Variants in RSBN1L observed in about 807,000 individuals in gnomAD.
The protein encoded by RSBN1L is round spermatid basic protein 1 like.
In RSBN1L, 30 loss-of-function variants were observed where a neutral mutation model predicts 67.7. The ratio of observed to expected loss-of-function variants is 0.44; its 90% confidence interval spans 0.33 to 0.60. The LOEUF (loss-of-function observed/expected upper bound fraction) is 0.60, where lower values mean the gene tolerates loss of function less well. RSBN1L is among the 20% of genes least tolerant of loss of function. The pLI, the probability that RSBN1L is intolerant of heterozygous loss-of-function variation, is 0.02. For synonymous variants in RSBN1L, 433 were observed against 387.0 expected (o/e 1.12, Z -1.39); for missense variants, 992 against 1,031.7 (o/e 0.96, Z 0.53).
At position 77,781,292 on chromosome 7, in the gene RSBN1L, A is replaced by G. The variant is rs991874921; in HGVS notation, c.*2124A>G. ...TAGTAAGGGTTTTGTTTTATATGTC[A>G]TTGTCTTACCATGCTCCCCACCTAT... On this transcript the variant is annotated 3_prime_UTR_variant, in exon 8 of 8. Coordinates refer to ENST00000334955, the MANE Select transcript of RSBN1L (RefSeq NM_198467.3). 2 of 152,182 alleles carry G rather than the reference A, an allele frequency of 1.3e-5. No homozygotes were observed. The highest frequency in any genetic ancestry group is 6.5e-5 in the Admixed American group (1 of 15,270). The allele number at this position is 152,182 out of a possible 1,614,324, so 9.4% of individuals were successfully genotyped here.
At chr7:77,741,612 A>C (rs1791411239) in intron 2 of RSBN1L, among the ~76,000 whole-genome samples, 1 of 151,546 alleles carries the variant, frequency 6.6e-6, no homozygotes, top group Non-Finnish European at 1.5e-5. Context: ...GAATGGTGTG[A>C]ACCCGGGAGG....
intron 6 of RSBN1L, among the ~76,000 whole-genome samples, chr7:77,777,491 T>C (rs957529417): frequency 6.6e-6 from 1 of 152,010 alleles, no homozygotes; most frequent in Non-Finnish European, 1.5e-5. Context: ...TTGGAGGATA[T>C]TTTTTGGTGG....
chr7:77,732,308 T>C (rs1791281780), intron 1 of RSBN1L, among the ~76,000 whole-genome samples: 1 of 152,194 alleles, frequency 6.6e-6, no homozygotes, highest in African/African-American at 2.4e-5. Context: ...CACTTCTGTA[T>C]GTAAAGATCT....
chr7:77,702,470 G>C (rs770977292), intron 1 of RSBN1L, among the ~76,000 whole-genome samples: 2 of 151,984 alleles, frequency 1.3e-5, no homozygotes, highest in Non-Finnish European at 2.9e-5. Flanking sequence ...CTTTCTTTTA[G>C]TTGGAGGTTT....
rs781721892 is a variant in RSBN1L at position 77,696,465 on chromosome 7, G to A, written c.-5G>A. The A allele has an allele frequency of 1.1e-5, 17 of 1,601,372 alleles. No homozygotes were observed. The highest frequency in any genetic ancestry group is 3.4e-5 in the Admixed American group (2 of 58,794). ...GGAGGAGAGTAAATACAACAGGAGCGCAAAATGGCGGAACCGCCGAGCCCC... is the reference window on the plus strand; with the variant it reads ...GGAGGAGAGTAAATACAACAGGAGCACAAAATGGCGGAACCGCCGAGCCCC... On this transcript the variant is annotated 5_prime_UTR_variant, in exon 1 of 8. Transcript: ENST00000334955.
At chr7:77,757,415 G>A (rs1791634129) in intron 3 of RSBN1L, among the ~76,000 whole-genome samples, 1 of 152,164 alleles carries the variant, frequency 6.6e-6, no homozygotes. Context: ...CTAATGCTGT[G>A]GCCCTGAGGT....
intron 2 of RSBN1L, among the ~76,000 whole-genome samples, chr7:77,749,170 C>G (rs1266414720): frequency 2.6e-5 from 4 of 152,124 alleles, no homozygotes; most frequent in African/African-American, 9.7e-5. Context: ...AGGAGAATTG[C>G]TTGAACCCAG....
At chr7:77,737,298 G>T (rs1326736379) in intron 2 of RSBN1L, among the ~76,000 whole-genome samples, 1 of 152,194 alleles carries the variant, frequency 6.6e-6, no homozygotes, top group Non-Finnish European at 1.5e-5. Context: ...CATGTTGATA[G>T]TTGATGATGA....
intron 2 of RSBN1L, among the ~76,000 whole-genome samples, chr7:77,743,683 CAAAT>C (rs60753392): frequency 0.1 from 15,376 of 152,156 alleles, 1,078 homozygotes; most frequent in African/African-American, 0.19. Flanking sequence ...TACTTTCACT[CAAAT>C]GAAGTTTTAT....
chr7:77,749,601 G>A lies in RSBN1L; in HGVS notation c.881G>A (p.Gly294Asp), dbSNP rs1791526843. 1 of 1,613,868 alleles carries A rather than the reference G, an allele frequency of 6.2e-7. No homozygotes were observed. Among genetic ancestry groups the A allele is most frequent in the Non-Finnish European group, 8.5e-7 (1 of 1,179,948 alleles). Residue 294 changes from glycine to aspartate, a missense_variant, in exon 3 of 8, where the codon GGC becomes GAC. Transcript: ENST00000334955. ...GATGTTGAAGATCAAGCAGCCAAAG[G>A]CATCCTAAATGATAACATAAAAGAT... ...LTDVEDQAAK[G>D]ILNDNIKDYV...
intron 5 of RSBN1L, among the ~76,000 whole-genome samples, chr7:77,771,100 C>G (rs1791843191): frequency 6.6e-6 from 1 of 152,132 alleles, no homozygotes; most frequent in Non-Finnish European, 1.5e-5. Flanking sequence ...CGCCACCACA[C>G]CCGGCTAATT....
At chr7:77,762,542 A>G (rs778979950) in intron 3 of RSBN1L, among the ~76,000 whole-genome samples, 3 of 152,166 alleles carry the variant, frequency 2.0e-5, no homozygotes, top group African/African-American at 4.8e-5. Context: ...TAGGTCAGTA[A>G]TACTTCTTCA....
intron 3 of RSBN1L, among the ~76,000 whole-genome samples, chr7:77,764,589 A>G (rs1791737992): frequency 6.6e-6 from 1 of 152,100 alleles, no homozygotes; most frequent in Admixed American, 6.5e-5. Flanking sequence ...TAGCAAAGGC[A>G]GATTTGGATT....
intron 2 of RSBN1L, among the ~76,000 whole-genome samples, chr7:77,747,192 A>C (rs1213774663): frequency 1.3e-5 from 2 of 152,194 alleles, no homozygotes; most frequent in Non-Finnish European, 2.9e-5. Flanking sequence ...GAAAATTTGC[A>C]GTCTGGCCAT....
rs1790729758 is a variant in RSBN1L, at chr7:77,696,614, G to A, written c.145G>A (p.Glu49Lys). 1 of 1,614,074 alleles carries A rather than the reference G, an allele frequency of 6.2e-7. No homozygotes were observed. The highest frequency in any genetic ancestry group is 8.5e-7 in the Non-Finnish European group (1 of 1,179,978). The change falls in exon 1 of 8, where the codon GAG becomes AAG. Residue 49 changes from glutamate to lysine, a missense_variant. Coordinates refer to ENST00000334955, the MANE Select transcript of RSBN1L (RefSeq NM_198467.3). ...SLSAKKVRTE[E>K]KKAPRRVNGE... is the part of the protein sequence containing the mutation. Reference sequence around the variant, plus strand: ...GTCCGCCAAGAAGGTCCGGACTGAGGAGAAGAAGGCACCGCGGAGAGTGAA... The same window carrying A: ...GTCCGCCAAGAAGGTCCGGACTGAGAAGAAGAAGGCACCGCGGAGAGTGAA...
rs780364792 is a variant in RSBN1L at position 77,768,701 on chromosome 7, A to G, written c.1523A>G (p.Gln508Arg). 3.3e-5 allele frequency: 53 copies of G among 1,613,734 alleles called. No homozygotes were observed. Among genetic ancestry groups the G allele is most frequent in the Non-Finnish European group, 4.1e-5 (48 of 1,179,738 alleles). The change falls in exon 5 of 8, where the codon CAG becomes CGG. Residue 508 changes from glutamine (Q) to arginine (R), a missense_variant. By Grantham distance (43) the Gln-to-Arg change is conservative. This residue lies in a region of RSBN1L where 67 missense variants were observed against 130.5 expected (regional missense o/e 0.51). Coordinates refer to ENST00000334955, the MANE Select transcript of RSBN1L (RefSeq NM_198467.3). ...PWGTLSSLKLQSRKDSDDGPI... is the reference protein window; with the variant it reads ...PWGTLSSLKLRSRKDSDDGPI... ...GGGACGCTATCTAGTCTAAAATTAC[A>G]GAGTCGAAAAGATAGTGATGATGGT...
At chr7:77,711,990 T>A (rs1790980698) in intron 1 of RSBN1L, among the ~76,000 whole-genome samples, 1 of 152,176 alleles carries the variant, frequency 6.6e-6, no homozygotes, top group Admixed American at 6.5e-5. Flanking sequence ...TCTTCATCTG[T>A]AAAATAAGAG....
chr7:77,725,140 G>A (rs557251956), intron 1 of RSBN1L, among the ~76,000 whole-genome samples: 31 of 150,878 alleles, frequency 2.1e-4, no homozygotes, highest in Admixed American at 1.3e-3. Context: ...CACTGCGCCC[G>A]GCCACAAATC....
intron 4 of RSBN1L, among the ~76,000 whole-genome samples, chr7:77,767,356 T>G (rs1001540102): frequency 4.0e-5 from 6 of 151,706 alleles, no homozygotes; most frequent in African/African-American, 1.2e-4. Flanking sequence ...CCTTCTTCCC[T>G]CTCTCTGTCT....
Sources: gnomAD v4.1 joint callset for allele counts (sites outside exome capture counted in the v4.1 genomes callset) on GRCh38, gnomAD v4.1.1 for gene constraint, gnomAD v4.1.1 regional missense constraint, MANE v1.5 for transcripts, NCBI Gene and HGNC (gene_info 2026-07-23, HGNC 2026-07-21) for gene names.